FGFR2: variants seen among roughly 807,000 people sequenced by gnomAD.
FGFR2 encodes BEK fibroblast growth factor receptor.
Under a neutral mutation model 95.9 loss-of-function variants are expected in FGFR2, and 19 were observed. The ratio of observed to expected loss-of-function variants is 0.20; its 90% CI spans 0.14 to 0.29. FGFR2 has a LOEUF of 0.29. Among genes scored for constraint, FGFR2 ranks in the 10% least tolerant of loss-of-function variants. The pLI is 1.00. For synonymous variants in FGFR2, 392 were observed against 393.3 expected, an observed-to-expected ratio of 1.00 and a Z score of 0.04; for missense variants, 707 against 1,056.9, an observed-to-expected ratio of 0.67 and a Z score of 4.59.
At chr10:121,537,911 T>C (rs535081082) in intron 6 of FGFR2, 1 of 170,440 alleles carries the variant, frequency 5.9e-6, no homozygotes, top group Non-Finnish European at 1.3e-5. Flanking sequence ...CAAAGCCCCA[T>C]CATCACAGGC....
At position 121,517,543 on chromosome 10, in the gene FGFR2, C is replaced by G. The variant is rs1242578747; in HGVS notation, c.940-80G>C. The G allele has an allele frequency of 6.4e-7, 1 of 1,568,130 alleles. No homozygotes were observed. On this transcript the variant is annotated intron_variant, in intron 7 of 17. Transcript: ENST00000358487. The surrounding 1 kb of genome is among the most constrained non-coding windows in gnomAD (Gnocchi z 4.7). ...AGGGGGCTGTGGAACCACAAGGCGT[C>G]GCACCGGGGGCTTCAGGGGGTGCTG...
In FGFR2 at chr10:121,515,078, G is replaced by C. The variant is rs755750436; in HGVS notation, c.1287+39C>G. On this transcript the variant is annotated intron_variant, in intron 9 of 17. Transcript: ENST00000358487. ...AGATCCACAAGCTGGCTGGGTCATG[G>C]GGGAGGAGTAAATTTCTTTAAACTC... The C allele has an allele frequency of 8.8e-6, 14 of 1,595,536 alleles. 1 individual carries two copies. In the South Asian group the frequency reaches 1.5e-4, roughly 18 times the overall value.
At chr10:121,484,467 T>A (rs1845152938) in intron 16 of FGFR2, among the ~76,000 whole-genome samples, 1 of 152,158 alleles carries the variant, frequency 6.6e-6, no homozygotes, top group Admixed American at 6.5e-5. Context: ...AATAAATGCC[T>A]TTATATAATA....
chr10:121,479,906 T>G lies in FGFR2; in HGVS notation c.2417A>C (p.Glu806Ala), dbSNP rs2133680528. 1 of 1,614,120 alleles carries G rather than the reference T, an allele frequency of 6.2e-7. No individual in the cohort carries two copies. The highest frequency in any genetic ancestry group is 1.1e-5 in the South Asian group (1 of 91,074). ...GTGTGGATACTGAGGAAGGCATGGTTCGTAAGGCATGGGGTCTGGAGAAAA... is the reference window on the plus strand; with the variant it reads ...GTGTGGATACTGAGGAAGGCATGGTGCGTAAGGCATGGGGTCTGGAGAAAA... ...SVFSPDPMPY[E>A]PCLPQYPHIN... The change falls in exon 18 of 18, where the codon GAA (glutamate) becomes GCA (alanine). Residue 806 changes from glutamate (E) to alanine (A), a missense_variant. Physicochemically the swap from Glu to Ala is moderately radical, Grantham distance 107. Coordinates refer to ENST00000358487, the MANE Select transcript of FGFR2 (RefSeq NM_000141.5).
At chr10:121,563,309 G>A (rs1857228412) in intron 4 of FGFR2, among the ~76,000 whole-genome samples, 2 of 152,196 alleles carry the variant, frequency 1.3e-5, no homozygotes, top group African/African-American at 4.8e-5. Flanking sequence ...GGGAGGTGCA[G>A]GTTGCAGTGA....
chr10:121,578,530 T>C (rs912285013), intron 2 of FGFR2, among the ~76,000 whole-genome samples: 1 of 152,036 alleles, frequency 6.6e-6, no homozygotes, highest in Non-Finnish European at 1.5e-5. Flanking sequence ...GGGACTGGAG[T>C]AGGGATCAAT....
chr10:121,491,805 G>A (rs1846166198), intron 13 of FGFR2, among the ~76,000 whole-genome samples: 1 of 151,688 alleles, frequency 6.6e-6, no homozygotes, highest in African/African-American at 2.4e-5. Flanking sequence ...GGGAGGCAGA[G>A]GCTGCAGTGA....
chr10:121,581,808 T>C (rs1402433938), intron 2 of FGFR2, among the ~76,000 whole-genome samples: 1 of 147,932 alleles, frequency 6.8e-6, no homozygotes, highest in Middle Eastern at 3.3e-3. Context: ...AGCAGCTTCA[T>C]AGTCCCAGTC....
chr10:121,571,986 A>C (rs1858859888), intron 2 of FGFR2, among the ~76,000 whole-genome samples: 3 of 151,908 alleles, frequency 2.0e-5, no homozygotes, highest in African/African-American at 7.3e-5. Flanking sequence ...TGATACTTTA[A>C]AAATGAGAGA....
intron 5 of FGFR2, among the ~76,000 whole-genome samples, chr10:121,546,692 T>C (rs1283837791): frequency 2.6e-5 from 4 of 152,144 alleles, no homozygotes; most frequent in Admixed American, 6.5e-5. Context: ...ATGCATGCCA[T>C]TTCAAAACAA....
intron 2 of FGFR2, among the ~76,000 whole-genome samples, chr10:121,566,489 C>T (rs966535822): frequency 6.6e-6 from 1 of 152,166 alleles, no homozygotes; most frequent in Non-Finnish European, 1.5e-5. Flanking sequence ...AGCTGAGTCC[C>T]ACCCTGCTCA....
At chr10:121,545,837 A>G (rs1421328287) in intron 5 of FGFR2, among the ~76,000 whole-genome samples, 1 of 152,172 alleles carries the variant, frequency 6.6e-6, no homozygotes, top group Non-Finnish European at 1.5e-5. Flanking sequence ...CTTTTCTTAG[A>G]TCTGAAATAT....
chr10:121,592,424 C>T (rs2860200), intron 2 of FGFR2, among the ~76,000 whole-genome samples: 151,577 of 152,220 alleles, frequency 1, 75,475 homozygotes, highest in Middle Eastern at 1. Flanking sequence ...CCCAGAGACG[C>T]AGGGAGATGT....
chr10:121,518,895 C>T lies in FGFR2; in HGVS notation c.939+1084G>A, dbSNP rs1850096797. ...AAGGTCTTAGCATTGTCTATGGTCC[C>T]ACCACCAACACACCGCAAGAAAACA... is the stretch of plus-strand genomic sequence containing the variant. On this transcript the variant is annotated intron_variant, in intron 7 of 17. Transcript: ENST00000358487. This position sits in a 1 kb window ranked among gnomAD's most constrained non-coding sequence, Gnocchi z 4.0. The T allele has an allele frequency of 8.2e-6, 13 of 1,585,706 alleles. No homozygotes were observed. Among genetic ancestry groups the T allele is most frequent in the Non-Finnish European group, 1.1e-5 (13 of 1,155,186 alleles).
intron 8 of FGFR2, among the ~76,000 whole-genome samples, chr10:121,516,353 G>A (rs1027007628): frequency 1.3e-5 from 2 of 152,196 alleles, no homozygotes; most frequent in African/African-American, 4.8e-5. Flanking sequence ...AAGGAAAAAC[G>A]GATGCAATGG....
intron 4 of FGFR2, among the ~76,000 whole-genome samples, chr10:121,555,090 C>T (rs941795313): frequency 1.3e-5 from 2 of 152,150 alleles, no homozygotes; most frequent in Non-Finnish European, 2.9e-5. Flanking sequence ...AATGAATCTG[C>T]AGGCCAGGCG....
chr10:121,552,578 C>T (rs1304180112), intron 4 of FGFR2, among the ~76,000 whole-genome samples: 1 of 152,192 alleles, frequency 6.6e-6, no homozygotes, highest in Non-Finnish European at 1.5e-5. Flanking sequence ...TTCAACCCTA[C>T]TCTCCACTGC....
At chr10:121,537,799 T>A (rs1054378902) in intron 6 of FGFR2, among the ~76,000 whole-genome samples, 4 of 152,102 alleles carry the variant, frequency 2.6e-5, no homozygotes, top group African/African-American at 4.8e-5. Flanking sequence ...ATGGAAGGGA[T>A]CTTAACCTGC....
At chr10:121,481,797 T>C in intron 17 of FGFR2, 1 of 222,206 alleles carries the variant, frequency 4.5e-6, no homozygotes, top group East Asian at 7.1e-5. Context: ...ATCATTAAAA[T>C]AGAACTTTAG....
Sources: gnomAD v4.1 joint callset for allele counts (sites outside exome capture counted in the v4.1 genomes callset) on GRCh38, gnomAD v4.1.1 for gene constraint, Gnocchi (gnomAD v3.1) non-coding constraint, MANE v1.5 for transcripts, NCBI Gene and HGNC (gene_info 2026-07-23, HGNC 2026-07-21) for gene names.